Variants in MAST4 observed in about 807,000 individuals in gnomAD.
MAST4 encodes the protein microtubule associated serine/threonine kinase family member 4, also known as microtubule-associated serine/threonine-protein kinase 4.
A neutral mutation model predicts 162.7 loss-of-function variants in MAST4; 89 were observed. The ratio of observed to expected loss-of-function variants is 0.55; its 90% CI spans 0.46 to 0.65. The LOEUF is 0.65. Among genes scored for constraint, MAST4 ranks in the 30% least tolerant of loss-of-function variants. The pLI, the probability that MAST4 is intolerant of heterozygous loss-of-function variation, is 0.00. For synonymous variants in MAST4, 1,479 were observed against 1,361.1 expected, an observed-to-expected ratio of 1.09 and a Z score of -1.91; for missense variants, 3,153 against 3,374.0, an observed-to-expected ratio of 0.93 and a Z score of 1.62.
intron 4 of MAST4, among the ~76,000 whole-genome samples, chr5:66,932,898 CA>C (rs1019092413): frequency 3.3e-5 from 5 of 152,096 alleles, no homozygotes; most frequent in Admixed American, 3.3e-4. Flanking sequence ...TAAGTCTCAA[CA>C]AAACATTGTG....
At chr5:66,864,873 A>G (rs1470428883) in intron 3 of MAST4, among the ~76,000 whole-genome samples, 1 of 152,244 alleles carries the variant, frequency 6.6e-6, no homozygotes, top group Non-Finnish European at 1.5e-5. Context: ...GTGTTACAGC[A>G]GCCTTAGCAA....
rs1176127841 is a variant in MAST4 at position 66,910,741 on chromosome 5, C to CTTTTTTTTT, written c.674+10764_674+10772dup. On this transcript the variant is annotated intron_variant, in intron 4 of 28. Transcript: ENST00000403625. Reference sequence around the variant, plus strand: ...GAATACACATGTGGTTTTTTTTTTTCTTTTTTTTTTTTTCTTTTTTTTTTT... The same window carrying CTTTTTTTTT: ...GAATACACATGTGGTTTTTTTTTTTCTTTTTTTTTTTTTTTTTTTTTTCTTTTTTTTTTT... 6.0e-3 allele frequency among the ~76,000 whole-genome samples: 121 copies of CTTTTTTTTT among 20,104 alleles called. 12 individuals carry two copies. The highest frequency in any genetic ancestry group is 0.014 in the African/African-American group (120 of 8,706). 13.2% of individuals were successfully genotyped at this position (20,104 alleles called of 152,430 possible).
At chr5:67,036,263 T>C (rs1197267959) in intron 4 of MAST4, among the ~76,000 whole-genome samples, 3 of 152,140 alleles carry the variant, frequency 2.0e-5, no homozygotes, top group African/African-American at 2.4e-5. Context: ...TGCTTAGAAA[T>C]TGTGGCTAGC....
chr5:67,005,000 A>G (rs1480871235), intron 4 of MAST4: 1 of 772,750 alleles, frequency 1.3e-6, no homozygotes, highest in African/African-American at 1.7e-5. Context: ...AGAAATGGAT[A>G]TGTCTGACCC....
intron 2 of MAST4, among the ~76,000 whole-genome samples, chr5:66,781,570 C>T (rs1278894386): frequency 6.6e-6 from 1 of 152,174 alleles, no homozygotes; most frequent in African/African-American, 2.4e-5. Flanking sequence ...CTCCCCAAAA[C>T]CCTTGAGAGC....
intron 1 of MAST4, among the ~76,000 whole-genome samples, chr5:66,638,692 C>A (rs1228474002): frequency 6.6e-6 from 1 of 152,126 alleles, no homozygotes; most frequent in Non-Finnish European, 1.5e-5. Context: ...ACTCTCCCAG[C>A]CATCTCTGTG....
chr5:66,628,344 T>TC lies in MAST4; in HGVS notation c.363+31326_363+31327insC, dbSNP rs200643824. Reference sequence around the variant, plus strand: ...CCACGGTGCCTGACTTTTTTTCTTTTTTTTTTTTTTTTAAGTAGGCTCCAG... The same window carrying TC: ...CCACGGTGCCTGACTTTTTTTCTTTTCTTTTTTTTTTTTAAGTAGGCTCCAG... On this transcript the variant is annotated intron_variant, in intron 1 of 28. Coordinates refer to ENST00000403625, the MANE Select transcript of MAST4 (RefSeq NM_001164664.2). Among the ~76,000 whole-genome samples, 1,018 of 151,196 alleles carry TC rather than the reference T, an allele frequency of 6.7e-3. 2 individuals are homozygous for TC. The highest frequency in any genetic ancestry group is 0.028 in the South Asian group (134 of 4,778).
At position 66,692,772 on chromosome 5, in the gene MAST4, A is replaced by G. The variant is rs1485752506; in HGVS notation, c.364-66937A>G. On this transcript the variant is annotated intron_variant, in intron 1 of 28. Transcript: ENST00000403625. ...CTAGCTTATTGCTGACTTTCTTGCT[A>G]TGTCCTCACTTGGTGGAAGGGGCAA... Among the ~76,000 whole-genome samples, 6 of 151,934 alleles carry G rather than the reference A, an allele frequency of 3.9e-5. No homozygotes were observed. The East Asian group carries it at 9.7e-4, about 24-fold the overall frequency.
At chr5:66,862,666 G>C (rs1760204667) in intron 3 of MAST4, among the ~76,000 whole-genome samples, 1 of 152,116 alleles carries the variant, frequency 6.6e-6, no homozygotes, top group East Asian at 1.9e-4. Context: ...ATATTATGAA[G>C]GCTACCAGAA....
At position 67,103,339 on chromosome 5, in the gene MAST4, C is replaced by G. The variant is rs565200332; in HGVS notation, c.1146+728C>G. Among the ~76,000 whole-genome samples, 4 of 152,272 alleles carry G rather than the reference C, an allele frequency of 2.6e-5. No individual in the cohort carries two copies. The East Asian group carries it at 7.7e-4, about 29-fold the overall frequency. ...GCCTGTGTTGCCCTAAACAGGAGAA[C>G]AAATGAAAATCTTTGGTTTCATAAA... is the stretch of plus-strand genomic sequence containing the variant. On this transcript the variant is annotated intron_variant, in intron 9 of 28. Transcript: ENST00000403625.
chr5:66,684,599 G>A (rs753772909), intron 1 of MAST4, among the ~76,000 whole-genome samples: 1 of 152,124 alleles, frequency 6.6e-6, no homozygotes, highest in East Asian at 1.9e-4. Context: ...TAAAAGTCAG[G>A]GTTGAAAACC....
chr5:66,641,628 G>A (rs952129448), intron 1 of MAST4, among the ~76,000 whole-genome samples: 6 of 152,310 alleles, frequency 3.9e-5, no homozygotes, highest in African/African-American at 1.4e-4. Flanking sequence ...TCCAGCTCTG[G>A]AGTGGAAAAT....
At chr5:66,647,411 T>G (rs1745913887) in intron 1 of MAST4, among the ~76,000 whole-genome samples, 2 of 152,194 alleles carry the variant, frequency 1.3e-5, no homozygotes, top group South Asian at 4.1e-4. Context: ...TTGCAAAATA[T>G]CTAAGAAGTT....
chr5:66,984,799 G>C (rs1749282348), intron 4 of MAST4, among the ~76,000 whole-genome samples: 1 of 152,136 alleles, frequency 6.6e-6, no homozygotes, highest in African/African-American at 2.4e-5. Context: ...GCAAAAACAA[G>C]GATGGGTCCT....
At chr5:66,787,696 C>T (rs1461199284) in intron 2 of MAST4, among the ~76,000 whole-genome samples, 1 of 152,166 alleles carries the variant, frequency 6.6e-6, no homozygotes, top group African/African-American at 2.4e-5. Context: ...AGGCTGGGGT[C>T]CCCAACACAT....
chr5:66,924,962 A>G (rs1764788872), intron 4 of MAST4, among the ~76,000 whole-genome samples: 1 of 152,248 alleles, frequency 6.6e-6, no homozygotes, highest in Non-Finnish European at 1.5e-5. Flanking sequence ...CTTAGATCAT[A>G]AAGCATGGAT....
chr5:67,143,018 A>G (rs112341128), intron 21 of MAST4: 3,116 of 156,514 alleles, frequency 0.02, 126 homozygotes, highest in African/African-American at 0.071. Context: ...CGCGAGCTTC[A>G]CTGTGTACAG....
Position 66,846,973 on chromosome 5 carries a change from A to G in MAST4, c.643-52978A>G, listed in dbSNP as rs1758899242. 3.3e-5 allele frequency among the ~76,000 whole-genome samples: 5 copies of G among 152,246 alleles called. No homozygotes were observed. In the South Asian group the frequency reaches 1.0e-3, roughly 32 times the overall value. ...GGTGGTGTCTACCTCCCTGGCACTC[A>G]TTTCTCCAGTGCCTTCTTTATCAGC... On this transcript the variant is annotated intron_variant, in intron 3 of 28. Coordinates refer to ENST00000403625, the MANE Select transcript of MAST4 (RefSeq NM_001164664.2).
chr5:66,665,108 G>A (rs757409986), intron 1 of MAST4, among the ~76,000 whole-genome samples: 4 of 152,210 alleles, frequency 2.6e-5, no homozygotes, highest in Non-Finnish European at 4.4e-5. Context: ...CGATTAAAGA[G>A]GAATGGGAGG....
Sources: gnomAD v4.1 joint callset for allele counts (sites outside exome capture counted in the v4.1 genomes callset) on GRCh38, gnomAD v4.1.1 for gene constraint, MANE v1.5 for transcripts, NCBI Gene and HGNC (gene_info 2026-07-23, HGNC 2026-07-21) for gene names.